BACH2: variants seen among roughly 807,000 people sequenced by gnomAD.
The protein encoded by BACH2 is transcription regulator protein BACH2.
Under a neutral mutation model 61.8 loss-of-function variants are expected in BACH2, and 5 were observed. The observed-to-expected ratio is 0.08, with a 90% confidence interval of 0.04 to 0.17. The LOEUF is 0.17. Ranked by LOEUF, BACH2 falls within the 10% of genes least tolerant of loss-of-function variation. The pLI, the probability that BACH2 is intolerant of heterozygous loss-of-function variation, is 1.00. For missense variants in BACH2, 824 were observed against 1,091.1 expected, an observed-to-expected ratio of 0.76 and a Z score of 3.45; for synonymous variants, 446 against 440.1, an observed-to-expected ratio of 1.01 and a Z score of -0.17.
At chr6:90,151,573 G>A (rs149287058) in intron 4 of BACH2, among the ~76,000 whole-genome samples, 2 of 152,146 alleles carry the variant, frequency 1.3e-5, no homozygotes, top group African/African-American at 4.8e-5. Context: ...TTACAGATAT[G>A]AGCCACCACA....
rs78175307 is a variant in BACH2 at position 90,004,061 on chromosome 6, A to G, written c.243+4541T>C. 6.8e-3 allele frequency among the ~76,000 whole-genome samples: 1,029 copies of G among 152,314 alleles called. 22 individuals are homozygous for G. The East Asian group carries it at 0.079, about 12-fold the overall frequency. On this transcript the variant is annotated intron_variant, in intron 6 of 8. Coordinates refer to ENST00000257749, the MANE Select transcript of BACH2 (RefSeq NM_021813.4). The stretch of plus-strand genomic sequence containing the variant: ...ATGACTGTCTTATTGCTTCCTTAAG[A>G]CTGAACCTAAACCATCCCAGAGACA...
chr6:90,068,829 A>G (rs1313554182), intron 5 of BACH2, among the ~76,000 whole-genome samples: 1 of 152,114 alleles, frequency 6.6e-6, no homozygotes, highest in Non-Finnish European at 1.5e-5. Flanking sequence ...TGACTTTTAT[A>G]TGGACAAGGA....
intron 1 of BACH2, among the ~76,000 whole-genome samples, chr6:90,276,329 G>A (rs1237980655): frequency 6.6e-6 from 1 of 152,196 alleles, no homozygotes; most frequent in Non-Finnish European, 1.5e-5. Flanking sequence ...CATCCTGAAT[G>A]AGAGCACAGA....
At chr6:90,143,864 C>T (rs1196937716) in intron 4 of BACH2, among the ~76,000 whole-genome samples, 1 of 152,164 alleles carries the variant, frequency 6.6e-6, no homozygotes, top group African/African-American at 2.4e-5. Context: ...CCTGCCCCGA[C>T]CCTGCTCAAC....
chr6:90,197,705 T>G (rs567715597), intron 4 of BACH2, among the ~76,000 whole-genome samples: 1 of 152,284 alleles, frequency 6.6e-6, no homozygotes, highest in South Asian at 2.1e-4. Context: ...CATGATGATG[T>G]AGGACAAGAA....
Position 89,950,498 on chromosome 6 carries a change from T to G in BACH2, c.1608A>C (p.Ser536=), listed in dbSNP as rs1457573294. Residue 536 remains serine (S), a synonymous_variant, in exon 7 of 9, where the codon TCA becomes TCC. Coordinates refer to ENST00000257749, the MANE Select transcript of BACH2 (RefSeq NM_021813.4). This position sits in a 1 kb window ranked among gnomAD's most constrained non-coding sequence, Gnocchi z 5.3. ...YSYAEDGSGG[S]PCSLPLCEFS... Reference sequence around the variant, plus strand: ...ACTCACAGAGAGGGAGGCTGCAGGGTGAGCCCCCGCTCCCGTCCTCCGCGT... The same window carrying G: ...ACTCACAGAGAGGGAGGCTGCAGGGGGAGCCCCCGCTCCCGTCCTCCGCGT... The G allele has an allele frequency of 1.9e-6, 3 of 1,613,800 alleles. No individual in the cohort carries two copies. Among genetic ancestry groups the G allele is most frequent in the Non-Finnish European group, 2.5e-6 (3 of 1,179,924 alleles).
chr6:90,191,342 A>G (rs1336625412), intron 4 of BACH2, among the ~76,000 whole-genome samples: 2 of 152,248 alleles, frequency 1.3e-5, no homozygotes, highest in African/African-American at 2.4e-5. Flanking sequence ...CTAAACTGTC[A>G]CCGAGTAAAA....
chr6:90,237,400 T>G (rs1360190881), intron 3 of BACH2, among the ~76,000 whole-genome samples: 1 of 152,250 alleles, frequency 6.6e-6, no homozygotes, highest in Non-Finnish European at 1.5e-5. Flanking sequence ...AAGTTCCAGG[T>G]TGTCAGACCC....
At chr6:90,066,950 G>A (rs2127800390) in intron 5 of BACH2, among the ~76,000 whole-genome samples, 1 of 152,342 alleles carries the variant, frequency 6.6e-6, no homozygotes, top group Non-Finnish European at 1.5e-5. Context: ...CATCTTGCAG[G>A]CTGGTTGAGA....
chr6:89,982,391 A>G (rs1776005370), intron 6 of BACH2, among the ~76,000 whole-genome samples: 1 of 152,180 alleles, frequency 6.6e-6, no homozygotes, highest in Non-Finnish European at 1.5e-5. Context: ...CACAAGGAAC[A>G]TCCTGGCAGC....
chr6:90,201,286 A>C (rs1768947960), intron 4 of BACH2, among the ~76,000 whole-genome samples: 1 of 152,198 alleles, frequency 6.6e-6, no homozygotes, highest in African/African-American at 2.4e-5. Flanking sequence ...CCCTTAAGAA[A>C]GGTGTTCTTT....
intron 5 of BACH2, among the ~76,000 whole-genome samples, chr6:90,071,195 C>T (rs748118303): frequency 6.6e-6 from 1 of 152,202 alleles, no homozygotes; most frequent in Non-Finnish European, 1.5e-5. Context: ...CTAATGTGAT[C>T]TAAGTACTGC....
chr6:90,040,351 A>C (rs1395195497), intron 5 of BACH2, among the ~76,000 whole-genome samples: 1 of 152,084 alleles, frequency 6.6e-6, no homozygotes, highest in Non-Finnish European at 1.5e-5. Flanking sequence ...CTGATTTGAG[A>C]TGCTTCCTTA....
intron 4 of BACH2, among the ~76,000 whole-genome samples, chr6:90,181,798 CTTA>C (rs1255176862): frequency 4.6e-5 from 7 of 151,980 alleles, no homozygotes; most frequent in Non-Finnish European, 1.0e-4. Flanking sequence ...GTTGCTCAGG[CTTA>C]TTATTATTAT....
intron 5 of BACH2, among the ~76,000 whole-genome samples, chr6:90,056,676 T>C (rs1780372329): frequency 6.6e-6 from 1 of 152,196 alleles, no homozygotes; most frequent in Non-Finnish European, 1.5e-5. Context: ...TACATTCTTT[T>C]CAGCACCACA....
chr6:90,095,895 C>A (rs749926451), intron 4 of BACH2, among the ~76,000 whole-genome samples: 1 of 152,126 alleles, frequency 6.6e-6, no homozygotes, highest in Non-Finnish European at 1.5e-5. Context: ...CATGAGAGAA[C>A]CCTGACTCAG....
At chr6:90,053,128 T>G (rs976584308) in intron 5 of BACH2, among the ~76,000 whole-genome samples, 2 of 152,196 alleles carry the variant, frequency 1.3e-5, no homozygotes, top group Non-Finnish European at 2.9e-5. Flanking sequence ...AAACTCTGAT[T>G]ATCTCCTTCC....
chr6:90,052,065 C>T (rs758888165), intron 5 of BACH2, among the ~76,000 whole-genome samples: 1 of 152,104 alleles, frequency 6.6e-6, no homozygotes, highest in Non-Finnish European at 1.5e-5. Flanking sequence ...GGTCATTATA[C>T]TGATTCTTGG....
chr6:90,193,076 G>A (rs1184736352), intron 4 of BACH2, among the ~76,000 whole-genome samples: 2 of 152,242 alleles, frequency 1.3e-5, no homozygotes, highest in Admixed American at 6.5e-5. Context: ...GTGCAGCCAC[G>A]TGACTAGTGC....
Sources: gnomAD v4.1 joint callset for allele counts (sites outside exome capture counted in the v4.1 genomes callset) on GRCh38, gnomAD v4.1.1 for gene constraint, Gnocchi (gnomAD v3.1) non-coding constraint, MANE v1.5 for transcripts, NCBI Gene and HGNC (gene_info 2026-07-23, HGNC 2026-07-21) for gene names.